RCAN2: variants seen among roughly 807,000 people sequenced by gnomAD.
RCAN2 encodes calcipressin-2.
A neutral mutation model predicts 23.6 loss-of-function variants in RCAN2; 9 were observed. The ratio of observed to expected loss-of-function variants is 0.38; its 90% CI spans 0.23 to 0.67. The LOEUF is 0.67. RCAN2 is among the 30% of genes least tolerant of loss of function. The pLI is 0.51. For missense variants in RCAN2, 273 were observed against 302.3 expected (o/e 0.90, Z 0.72); for synonymous variants, 109 against 115.7 (o/e 0.94, Z 0.37).
chr6:46,407,697 G>A (rs1226382963), intron 2 of RCAN2, among the ~76,000 whole-genome samples: 1 of 152,134 alleles, frequency 6.6e-6, no homozygotes, highest in Non-Finnish European at 1.5e-5. Context: ...ATACATCAAT[G>A]TCCTACTTTG....
chr6:46,235,838 G>A (rs974418064), intron 4 of RCAN2, among the ~76,000 whole-genome samples: 2 of 152,076 alleles, frequency 1.3e-5, no homozygotes, highest in Non-Finnish European at 2.9e-5. Flanking sequence ...GTTTCCCCAC[G>A]ACAGGAACTA....
chr6:46,270,294 C>T (rs753995324), intron 2 of RCAN2, among the ~76,000 whole-genome samples: 56 of 152,246 alleles, frequency 3.7e-4, no homozygotes, highest in Admixed American at 1.4e-3. Flanking sequence ...GCAGGAGTGC[C>T]GGGACCTTGC....
chr6:46,236,440 C>CT lies in RCAN2; in HGVS notation c.571+10307dup, dbSNP rs59425987. 7.0e-3 allele frequency among the ~76,000 whole-genome samples: 989 copies of CT among 141,652 alleles called. 7 individuals carry two copies. Among genetic ancestry groups the CT allele is most frequent in the African/African-American group, 0.016 (645 of 39,342 alleles). The allele number at this position is 141,652 out of a possible 152,430, so 92.9% of individuals were successfully genotyped here. On this transcript the variant is annotated intron_variant, in intron 4 of 4. Transcript: ENST00000371374. Reference sequence around the variant, plus strand: ...CCGTTTTAATGAGATCTCTGATTTTCTTTTTTTTTTTTTGAGATAGAAACA... The same window carrying CT: ...CCGTTTTAATGAGATCTCTGATTTTCTTTTTTTTTTTTTTGAGATAGAAACA...
chr6:46,364,132 G>A (rs1327012352), intron 2 of RCAN2, among the ~76,000 whole-genome samples: 1 of 152,082 alleles, frequency 6.6e-6, no homozygotes, highest in Non-Finnish European at 1.5e-5. Flanking sequence ...CATCATTTTG[G>A]CTCATTTCAA....
At chr6:46,365,478 A>AAAAAGAAAAGAAAAG (rs59257652) in intron 2 of RCAN2, among the ~76,000 whole-genome samples, 111 of 145,802 alleles carry the variant, frequency 7.6e-4, no homozygotes, top group African/African-American at 2.5e-3. Context: ...CTCCATCTCA[A>AAAAAGAAAAGAAAAG]AAAAGAAAAG....
At chr6:46,251,117 C>CT (rs1186317044) in intron 2 of RCAN2, among the ~76,000 whole-genome samples, 1 of 152,150 alleles carries the variant, frequency 6.6e-6, no homozygotes, top group African/African-American at 2.4e-5. Context: ...TCTTATACTC[C>CT]TTTTCCCATC....
intron 2 of RCAN2, among the ~76,000 whole-genome samples, chr6:46,259,801 G>A (rs765571248): frequency 1.3e-5 from 2 of 152,138 alleles, no homozygotes; most frequent in Non-Finnish European, 2.9e-5. Context: ...CCTCAGGTTC[G>A]ATCATTTGCT....
At chr6:46,313,148 C>T (rs1187958395) in intron 2 of RCAN2, among the ~76,000 whole-genome samples, 1 of 152,162 alleles carries the variant, frequency 6.6e-6, no homozygotes, top group African/African-American at 2.4e-5. Flanking sequence ...TCCTACTTAA[C>T]CTATAAAGCT....
intron 2 of RCAN2, among the ~76,000 whole-genome samples, chr6:46,382,631 G>A (rs958041399): frequency 2.6e-5 from 4 of 152,120 alleles, no homozygotes; most frequent in Admixed American, 6.6e-5. Flanking sequence ...TAATAAAAGC[G>A]CTCCAATGCA....
At chr6:46,478,987 C>T (rs924994720) in intron 1 of RCAN2, among the ~76,000 whole-genome samples, 1 of 152,174 alleles carries the variant, frequency 6.6e-6, no homozygotes, top group Admixed American at 6.5e-5. Flanking sequence ...AATCTACAAG[C>T]ATCTTGATAG....
Position 46,276,198 on chromosome 6 carries a change from G to C in RCAN2, c.226-27302C>G, listed in dbSNP as rs573727420. ...CCACTGCACTCCAGCCTGAGTGACA[G>C]AGTGAGACTCTGTCTAAAAACAAAA... is the stretch of plus-strand genomic sequence containing the variant. On this transcript the variant is annotated intron_variant, in intron 2 of 4. Coordinates refer to ENST00000371374, the MANE Select transcript of RCAN2 (RefSeq NM_001251974.2). 8.1e-5 allele frequency among the ~76,000 whole-genome samples: 11 copies of C among 135,134 alleles called. No homozygotes were observed. The South Asian group carries it at 2.4e-3, about 30-fold the overall frequency. 88.7% of individuals were successfully genotyped at this position (135,134 alleles called of 152,430 possible).
intron 2 of RCAN2, among the ~76,000 whole-genome samples, chr6:46,259,953 C>A (rs1484880594): frequency 6.6e-6 from 1 of 152,222 alleles, no homozygotes; most frequent in Non-Finnish European, 1.5e-5. Flanking sequence ...ATGCTCCTCT[C>A]TGGACTAGAC....
At chr6:46,406,009 G>A (rs1269958857) in intron 2 of RCAN2, among the ~76,000 whole-genome samples, 2 of 152,228 alleles carry the variant, frequency 1.3e-5, no homozygotes, top group Non-Finnish European at 2.9e-5. Context: ...ACTGGCCCGG[G>A]TGCTAAGTCC....
rs114659692 is a variant in RCAN2 at position 46,427,464 on chromosome 6, T to G, written c.225+29288A>C. ...TTAAAGTTAAATAAGATTATACATG[T>G]AAAATAATTAAAATCATGCCAGGAA... On this transcript the variant is annotated intron_variant, in intron 2 of 4. Transcript: ENST00000371374. 7.9e-3 allele frequency among the ~76,000 whole-genome samples: 1,208 copies of G among 152,286 alleles called. 15 individuals are homozygous for G. Among genetic ancestry groups the G allele is most frequent in the African/African-American group, 0.028 (1,156 of 41,556 alleles).
chr6:46,233,987 C>T (rs1416906882), intron 4 of RCAN2, among the ~76,000 whole-genome samples: 1 of 152,108 alleles, frequency 6.6e-6, no homozygotes, highest in Non-Finnish European at 1.5e-5. Context: ...CCTCAGCCTC[C>T]CAAAGTGCTG....
rs533300618 is a variant in RCAN2 at position 46,221,409 on chromosome 6, T to A, written c.*1732A>T. On this transcript the variant is annotated 3_prime_UTR_variant, in exon 5 of 5. Coordinates refer to ENST00000371374, the MANE Select transcript of RCAN2 (RefSeq NM_001251974.2). ...TTCTCCACTACTAAGTCTGTAGTCG[T>A]TTATCATCAATGAAAAACCAAAAAC... The A allele has an allele frequency of 6.5e-6, 1 of 152,786 alleles. No homozygotes were observed. Among genetic ancestry groups the A allele is most frequent in the Admixed American group, 6.5e-5 (1 of 15,308 alleles). The allele number at this position is 152,786 out of a possible 1,614,324, so 9.5% of individuals were successfully genotyped here. A position where few individuals can be genotyped will look rare whatever the true frequency, so the allele number is the denominator to read the frequency against.
At chr6:46,305,942 C>T (rs1315985472) in intron 2 of RCAN2, among the ~76,000 whole-genome samples, 9 of 150,082 alleles carry the variant, frequency 6.0e-5, no homozygotes, top group Admixed American at 1.3e-4. Context: ...TTCATGATTA[C>T]CACTTTGTAT....
intron 1 of RCAN2, among the ~76,000 whole-genome samples, chr6:46,485,117 T>C (rs1158128151): frequency 1.3e-5 from 2 of 152,068 alleles, no homozygotes; most frequent in Non-Finnish European, 1.5e-5. Context: ...ATCCAAAACA[T>C]AGAAAAAAAT....
chr6:46,479,320 C>T (rs909399499), intron 1 of RCAN2, among the ~76,000 whole-genome samples: 2 of 152,154 alleles, frequency 1.3e-5, no homozygotes, highest in Non-Finnish European at 2.9e-5. Context: ...TGTAATGATA[C>T]TTAAATACAT....
Sources: allele counts gnomAD v4.1 joint callset (sites outside exome capture counted in the v4.1 genomes callset), GRCh38; gene constraint gnomAD v4.1.1; transcripts MANE v1.5; gene names NCBI Gene and HGNC (gene_info 2026-07-23, HGNC 2026-07-21).